Variants in DOP1A observed in about 807,000 individuals in gnomAD.
The protein encoded by DOP1A is protein DOP1A.
DOP1A carries 90 observed loss-of-function variants against 267.6 expected under a neutral mutation model. The observed-to-expected ratio is 0.34, with a 90% CI of 0.28 to 0.40. The LOEUF (loss-of-function observed/expected upper bound fraction) is 0.40. Among genes scored for constraint, DOP1A ranks in the 10% least tolerant of loss-of-function variants. The pLI is 1.00. For synonymous variants in DOP1A, 932 were observed against 999.1 expected (o/e 0.93, Z 1.27); for missense variants, 2,437 against 2,900.4 (o/e 0.84, Z 3.67).
Position 83,145,604 on chromosome 6 carries a change from T to C in DOP1A, c.5622T>C (p.Val1874=). 2 of 1,613,606 alleles carry C rather than the reference T, an allele frequency of 1.2e-6. No individual in the cohort carries two copies. Among genetic ancestry groups the C allele is most frequent in the South Asian group, 2.2e-5 (2 of 91,064 alleles). ...TCAGTGTCATGAGAGCAGAAACTGTTATCCAGACTGTAAAAGAAGTTTTAA... is the reference window on the plus strand; with the variant it reads ...TCAGTGTCATGAGAGCAGAAACTGTCATCCAGACTGTAAAAGAAGTTTTAA... ...RSISVMRAET[V]IQTVKEVLKQ... Residue 1874 remains valine, a synonymous_variant, in exon 25 of 39, where the codon GTT becomes GTC. Coordinates refer to ENST00000349129, the MANE Select transcript of DOP1A (RefSeq NM_015018.4).
intron 1 of DOP1A, among the ~76,000 whole-genome samples, chr6:83,093,287 A>T (rs1770813721): frequency 6.6e-6 from 1 of 152,208 alleles, no homozygotes; most frequent in Non-Finnish European, 1.5e-5. Flanking sequence ...ACTCTCTCCA[A>T]AGATAGGCTT....
rs548187776 is a variant in DOP1A, at chr6:83,129,989, G to A, written c.2342-134G>A. ...GCTACTTTATTAAAGCTCTAGACTAGGTGAGAAACCATGGTTTTGTTAACA... is the reference window on the plus strand; with the variant it reads ...GCTACTTTATTAAAGCTCTAGACTAAGTGAGAAACCATGGTTTTGTTAACA... On this transcript the variant is annotated intron_variant, in intron 16 of 38. Coordinates refer to ENST00000349129, the MANE Select transcript of DOP1A (RefSeq NM_015018.4). The A allele has an allele frequency of 1.0e-4, 110 of 1,056,758 alleles. No homozygotes were observed. In the African/African-American group the frequency reaches 1.5e-3, roughly 15 times the overall value. The allele number at this position is 1,056,758 out of a possible 1,614,324, so 65.5% of individuals were successfully genotyped here.
At position 83,128,881 on chromosome 6, in the gene DOP1A, T is replaced by A. The variant is rs1478656458; in HGVS notation, c.1720-6T>A. The A allele has an allele frequency of 6.6e-7, 1 of 1,515,988 alleles. No homozygotes were observed. The highest frequency in any genetic ancestry group is 2.3e-5 in the Admixed American group (1 of 43,228). The allele number at this position is 1,515,988 out of a possible 1,614,324, so 93.9% of individuals were successfully genotyped here. ...AGCCTTTTGTTTTCTTAAAAATCTC[T>A]AACAGGTATCATCAGTTTCTCATGA... On this transcript the variant is annotated splice_polypyrimidine_tract_variant and splice_region_variant and intron_variant, in intron 15 of 38. Transcript: ENST00000349129.
At chr6:83,071,075 C>T (rs1489529721) in intron 1 of DOP1A, among the ~76,000 whole-genome samples, 5 of 152,206 alleles carry the variant, frequency 3.3e-5, no homozygotes, top group Non-Finnish European at 5.9e-5. Flanking sequence ...CTATTGCCTG[C>T]AGGAGGCTCT....
downstream of DOP1A, chr6:83,169,317 C>G (rs1336612507): frequency 1.2e-6 from 2 of 1,613,520 alleles, no homozygotes; most frequent in African/African-American, 1.3e-5. Context: ...AGGTGATCTG[C>G]ACTTTCCTGC....
Position 83,129,204 on chromosome 6 carries a change from G to A in DOP1A, c.2037G>A (p.Glu679=), listed in dbSNP as rs763279039. 2 of 1,613,400 alleles carry A rather than the reference G, an allele frequency of 1.2e-6. No homozygotes were observed. The highest frequency in any genetic ancestry group is 1.7e-6 in the Non-Finnish European group (2 of 1,179,708). The change falls in exon 16 of 39, where the codon GAG becomes GAA. Residue 679 remains glutamate (E), a synonymous_variant. Transcript: ENST00000349129. ...AQKTAMQCCL[E]YVQQFLTRLI... is the part of the protein sequence containing the mutation. Reference sequence around the variant, plus strand: ...AGACTGCAATGCAGTGCTGCTTGGAGTATGTCCAACAGTTTCTTACCAGAC... The same window carrying A: ...AGACTGCAATGCAGTGCTGCTTGGAATATGTCCAACAGTTTCTTACCAGAC...
intron 37 of DOP1A, among the ~76,000 whole-genome samples, chr6:83,160,507 A>G (rs980071201): frequency 3.3e-5 from 5 of 152,240 alleles, no homozygotes; most frequent in African/African-American, 1.2e-4. Flanking sequence ...ACAGCTAAGG[A>G]AAGAAGTGAT....
intron 1 of DOP1A, among the ~76,000 whole-genome samples, chr6:83,076,542 T>C (rs1277178086): frequency 6.6e-6 from 1 of 151,856 alleles, no homozygotes; most frequent in African/African-American, 2.4e-5. Context: ...TCACTAATCA[T>C]TAGATAAATA....
At chr6:83,072,999 C>T (rs1785872882) in intron 1 of DOP1A, 1 of 372,870 alleles carries the variant, frequency 2.7e-6, no homozygotes. Flanking sequence ...TAAAGTTAGT[C>T]TCTGACATTT....
intron 4 of DOP1A, among the ~76,000 whole-genome samples, chr6:83,104,175 G>A (rs918704941): frequency 1.3e-5 from 2 of 152,126 alleles, no homozygotes; most frequent in Admixed American, 6.5e-5. Context: ...ACTTTGTCAA[G>A]TTCACTTGTT....
At chr6:83,152,495 G>T in intron 30 of DOP1A, 128 bp downstream of exon 30, 3 of 395,146 alleles carry the variant, frequency 7.6e-6, no homozygotes, top group East Asian at 4.1e-5. Context: ...TCACTATATA[G>T]AATTAATATA....
rs750319004 is a variant in DOP1A at position 83,168,196 on chromosome 6, ATG to A, written c.*31_*32del. The stretch of plus-strand genomic sequence containing the variant: ...CCATTGCTGGTTCCATTTAGCTTAC[ATG>A]TAAATGTAATTATTTAAAACACACA... On this transcript the variant is annotated 3_prime_UTR_variant, in exon 39 of 39. Coordinates refer to ENST00000349129, the MANE Select transcript of DOP1A (RefSeq NM_015018.4). 1.9e-6 allele frequency: 3 copies of A among 1,582,962 alleles called. No homozygotes were observed. The African/African-American group carries it at 4.1e-5, about 22-fold the overall frequency.
At chr6:83,109,920 C>T (rs1015952874) in intron 5 of DOP1A, among the ~76,000 whole-genome samples, 2 of 152,098 alleles carry the variant, frequency 1.3e-5, no homozygotes, top group Non-Finnish European at 2.9e-5. Flanking sequence ...TCAACATATA[C>T]AGCTAGTAAA....
At chr6:83,128,692 C>T (rs915365078) in intron 15 of DOP1A, among the ~76,000 whole-genome samples, 195 bp from the exon 16 acceptor site, 2 of 152,070 alleles carry the variant, frequency 1.3e-5, no homozygotes, top group African/African-American at 2.4e-5. Flanking sequence ...AGAATCTAAC[C>T]TTATGTATGC....
Position 83,100,705 on chromosome 6 carries a change from G to A in DOP1A, c.139G>A (p.Val47Ile). The change falls in exon 4 of 39, where the codon GTT becomes ATT. Residue 47 changes from valine to isoleucine, a missense_variant and splice_region_variant. Transcript: ENST00000349129. ...ACTACATTAAAATGCTTTCTTCAAG[G>A]TTTTACAAAATAATGCAAAGTACCA... is the stretch of plus-strand genomic sequence containing the variant. ...LISALGKLNK[V>I]LQNNAKYQVV... 6.9e-7 allele frequency: 1 copy of A among 1,457,926 alleles called. No individual in the cohort carries two copies. Among genetic ancestry groups the A allele is most frequent in the Non-Finnish European group, 9.1e-7 (1 of 1,099,398 alleles). The allele number at this position is 1,457,926 out of a possible 1,614,324, so 90.3% of individuals were successfully genotyped here.
intron 30 of DOP1A, among the ~76,000 whole-genome samples, chr6:83,153,222 T>A (rs1394298003): frequency 1.3e-5 from 2 of 152,184 alleles, no homozygotes; most frequent in Admixed American, 6.5e-5. Flanking sequence ...TAGTACTAAA[T>A]TCACTGTTTA....
chr6:83,142,037 C>G lies in DOP1A; in HGVS notation c.5532C>G (p.Thr1844=). 3.1e-6 allele frequency: 5 copies of G among 1,611,618 alleles called. No homozygotes were observed. The highest frequency in any genetic ancestry group is 4.2e-6 in the Non-Finnish European group (5 of 1,179,346). Residue 1844 remains threonine, a synonymous_variant, in exon 24 of 39, where the codon ACC becomes ACG. Coordinates refer to ENST00000349129, the MANE Select transcript of DOP1A (RefSeq NM_015018.4). The part of the protein sequence containing the change: ...WNERRQNKTT[T]RTKVIPAASE... ...AAAGAAGACAGAATAAAACAACCAC[C>G]AGGACCAAGGTATGTATTTAGACAT...
chr6:83,145,366 T>A (rs774095276), intron 24 of DOP1A, among the ~76,000 whole-genome samples, 158 bp from the exon 25 acceptor site: 114 of 140,446 alleles, frequency 8.1e-4, no homozygotes, highest in Non-Finnish European at 9.2e-4. Context: ...AGGATCATTT[T>A]GAGCACAGGA....
intron 11 of DOP1A, 71 bp downstream of exon 11, chr6:83,122,121 A>G (rs1255457095): frequency 4.5e-6 from 7 of 1,540,276 alleles, no homozygotes; most frequent in African/African-American, 1.4e-5. Context: ...CTTGAAGTGT[A>G]ATAACTTGGG....
Sources: allele counts gnomAD v4.1 joint callset (sites outside exome capture counted in the v4.1 genomes callset), GRCh38; gene constraint gnomAD v4.1.1; transcripts MANE v1.5; gene names NCBI Gene and HGNC (gene_info 2026-07-23, HGNC 2026-07-21).